Variants in PDE3A observed in about 807,000 individuals in gnomAD.
The protein encoded by PDE3A is phosphodiesterase 3A.
PDE3A carries 43 observed loss-of-function variants against 98.3 expected under a neutral mutation model. The observed-to-expected ratio is 0.44, with a 90% CI of 0.34 to 0.56. The LOEUF (loss-of-function observed/expected upper bound fraction) is 0.56. PDE3A is among the 20% of genes least tolerant of loss of function. The pLI is 0.01. For missense variants in PDE3A, 1,427 were observed against 1,440.7 expected (o/e 0.99, Z 0.15); for synonymous variants, 663 against 567.9 (o/e 1.17, Z -2.38).
intron 7 of PDE3A, among the ~76,000 whole-genome samples, chr12:20,634,694 G>A (rs764876548): frequency 2.6e-5 from 4 of 152,074 alleles, no homozygotes; most frequent in African/African-American, 7.2e-5. Flanking sequence ...AATGTCATGC[G>A]GATTACAGAT....
At chr12:20,471,998 T>G (rs775753820) in intron 1 of PDE3A, among the ~76,000 whole-genome samples, 6 of 152,144 alleles carry the variant, frequency 3.9e-5, no homozygotes, top group African/African-American at 7.2e-5. Context: ...CTGGTGCATT[T>G]TGGCTCTGAA....
At chr12:20,601,938 G>A (rs1467888788) in intron 2 of PDE3A, among the ~76,000 whole-genome samples, 1 of 152,092 alleles carries the variant, frequency 6.6e-6, no homozygotes, top group Non-Finnish European at 1.5e-5. Flanking sequence ...AAATTTAATA[G>A]CAATTCTTGA....
chr12:20,615,541 C>T (rs1353782743), intron 3 of PDE3A, among the ~76,000 whole-genome samples: 2 of 152,026 alleles, frequency 1.3e-5, no homozygotes, highest in African/African-American at 4.8e-5. Context: ...TAAATTAATT[C>T]ATGCCCCCAA....
At chr12:20,669,885 A>G (rs1434149777) in intron 15 of PDE3A, among the ~76,000 whole-genome samples, 2 of 152,072 alleles carry the variant, frequency 1.3e-5, no homozygotes, top group African/African-American at 4.8e-5. Flanking sequence ...AAATGCTCCA[A>G]TTAAAAGACA....
intron 1 of PDE3A, among the ~76,000 whole-genome samples, chr12:20,461,343 T>C (rs1475815914): frequency 3.9e-5 from 6 of 152,006 alleles, no homozygotes; most frequent in Admixed American, 3.3e-4. Context: ...AAAGTATTAC[T>C]GAGTTTCCAT....
At chr12:20,544,732 A>C (rs1000123945) in intron 1 of PDE3A, among the ~76,000 whole-genome samples, 1 of 151,438 alleles carries the variant, frequency 6.6e-6, no homozygotes, top group Non-Finnish European at 1.5e-5. Flanking sequence ...TCCTCTCTTA[A>C]CTCATTTCCA....
intron 1 of PDE3A, among the ~76,000 whole-genome samples, chr12:20,501,608 G>A (rs1014426811): frequency 6.6e-6 from 1 of 152,070 alleles, no homozygotes; most frequent in African/African-American, 2.4e-5. Context: ...AATTTTGTTT[G>A]CTTGTTTGCT....
chr12:20,496,502 G>A (rs1294236527), intron 1 of PDE3A, among the ~76,000 whole-genome samples: 1 of 151,982 alleles, frequency 6.6e-6, no homozygotes, highest in Admixed American at 6.6e-5. Context: ...TCATGGACCT[G>A]GGTACTCCAC....
chr12:20,619,774 T>A (rs544858412), intron 4 of PDE3A, among the ~76,000 whole-genome samples: 1 of 152,020 alleles, frequency 6.6e-6, no homozygotes, highest in Non-Finnish European at 1.5e-5. Flanking sequence ...TCCTCATATA[T>A]GGAAAACTGC....
chr12:20,615,234 T>C (rs961969500), intron 3 of PDE3A, among the ~76,000 whole-genome samples: 3 of 152,072 alleles, frequency 2.0e-5, no homozygotes, highest in African/African-American at 7.2e-5. Flanking sequence ...AGAACCACTT[T>C]AGAGTGTTGG....
chr12:20,558,578 C>T (rs951365804), intron 2 of PDE3A, among the ~76,000 whole-genome samples: 20 of 151,424 alleles, frequency 1.3e-4, no homozygotes, highest in African/African-American at 4.4e-4. Flanking sequence ...CAATAAGAAC[C>T]ATAGCAAAAA....
Position 20,648,908 on chromosome 12 carries a change from C to T in PDE3A, c.2769+17C>T, listed in dbSNP as rs767058383. 4.9e-6 allele frequency: 7 copies of T among 1,434,874 alleles called. No homozygotes were observed. In the East Asian group the frequency reaches 1.6e-4, roughly 33 times the overall value. 88.9% of individuals were successfully genotyped at this position (1,434,874 alleles called of 1,614,324 possible). ...AATGGCAAGGTAAATAGAGCTGTACCCAGTTTTCTTTTCTTTTTCTTTTTT... is the reference window on the plus strand; with the variant it reads ...AATGGCAAGGTAAATAGAGCTGTACTCAGTTTTCTTTTCTTTTTCTTTTTT... On this transcript the variant is annotated intron_variant, in intron 13 of 15. Coordinates refer to ENST00000359062, the MANE Select transcript of PDE3A (RefSeq NM_000921.5).
At chr12:20,603,507 C>T (rs775086648) in intron 2 of PDE3A, among the ~76,000 whole-genome samples, 5 of 152,066 alleles carry the variant, frequency 3.3e-5, no homozygotes, top group Middle Eastern at 3.4e-3. Context: ...ACTGCATTTA[C>T]CTAGAGTAAG....
intron 3 of PDE3A, among the ~76,000 whole-genome samples, 192 bp downstream of exon 3, chr12:20,613,892 A>G (rs1351887244): frequency 3.9e-5 from 6 of 152,198 alleles, no homozygotes; most frequent in African/African-American, 1.4e-4. Context: ...ATAGTTTTCT[A>G]TACATAGAAA....
In PDE3A at chr12:20,513,806, C is replaced by T. The variant is rs1053758197; in HGVS notation, c.961-42854C>T. Among the ~76,000 whole-genome samples, 5 of 152,200 alleles carry T rather than the reference C, an allele frequency of 3.3e-5. No homozygotes were observed. The East Asian group carries it at 9.7e-4, about 29-fold the overall frequency. ...TGAAACAATTTAGACAGATTTCAGT[C>T]AATTTATCAGTCAGTAGGACTTTAA... On this transcript the variant is annotated intron_variant, in intron 1 of 15. Transcript: ENST00000359062.
intron 1 of PDE3A, among the ~76,000 whole-genome samples, chr12:20,374,290 CATAA>C (rs1463496693): frequency 1.3e-5 from 2 of 151,912 alleles, no homozygotes; most frequent in Non-Finnish European, 2.9e-5. Flanking sequence ...TTTTAAGTGA[CATAA>C]ATAGTCAGTG....
intron 1 of PDE3A, among the ~76,000 whole-genome samples, chr12:20,380,595 A>AGAT (rs1392635633): frequency 6.6e-6 from 1 of 151,862 alleles, no homozygotes; most frequent in Non-Finnish European, 1.5e-5. Flanking sequence ...TATGTTAGGC[A>AGAT]GATGATCATG....
chr12:20,607,654 A>C (rs1356827506), intron 2 of PDE3A, among the ~76,000 whole-genome samples: 1 of 151,962 alleles, frequency 6.6e-6, no homozygotes, highest in Non-Finnish European at 1.5e-5. Context: ...GAAATGTTAA[A>C]TATAAATATT....
chr12:20,477,042 T>C (rs1331000711), intron 1 of PDE3A, among the ~76,000 whole-genome samples: 1 of 152,198 alleles, frequency 6.6e-6, no homozygotes, highest in Non-Finnish European at 1.5e-5. Flanking sequence ...TGGTTTAGTA[T>C]AGATGGGTTA....
Sources: gnomAD v4.1 joint callset for allele counts (sites outside exome capture counted in the v4.1 genomes callset) on GRCh38, gnomAD v4.1.1 for gene constraint, MANE v1.5 for transcripts, NCBI Gene and HGNC (gene_info 2026-07-23, HGNC 2026-07-21) for gene names.